Variants in TTC23L observed in about 807,000 individuals in gnomAD.
TTC23L encodes the protein tetratricopeptide repeat domain 23 like.
In TTC23L, 42 loss-of-function variants were observed where a neutral mutation model predicts 48.1. That is an observed-to-expected ratio of 0.87 (90% confidence interval 0.68 to 1.13). TTC23L has a LOEUF of 1.13. Among genes scored for constraint, TTC23L ranks in the 50% most tolerant of loss-of-function variants. The probability of loss-of-function intolerance (pLI) is 0.00; values close to 1 mark genes in which losing one functional copy is unlikely to be tolerated. For missense variants in TTC23L, 391 were observed against 421.0 expected (o/e 0.93, Z 0.62); for synonymous variants, 159 against 157.2 (o/e 1.01, Z -0.09).
intron 8 of TTC23L, among the ~76,000 whole-genome samples, chr5:34,876,931 T>C (rs1761880318): frequency 6.6e-6 from 1 of 151,844 alleles, no homozygotes; most frequent in Admixed American, 6.6e-5. Flanking sequence ...GGCATGTGTA[T>C]ACCTAGTAAC....
chr5:34,918,521 C>T, the TTC23L span: 20 of 1,093,172 alleles, frequency 1.8e-5, no homozygotes, highest in Admixed American at 3.0e-4. Flanking sequence ...TATAAACTTA[C>T]CTATTTTTAT....
chr5:34,925,117 T>C, the TTC23L span: 9 of 1,442,168 alleles, frequency 6.2e-6, no homozygotes, highest in Non-Finnish European at 8.3e-6. Context: ...ACTCCCTTTT[T>C]TCATGACACT....
chr5:34,906,826 T>TA, the TTC23L span: 2 of 152,102 alleles, frequency 1.3e-5, no homozygotes, highest in African/African-American at 4.8e-5. Flanking sequence ...AGACAAAAAA[T>TA]AACTATGCTA....
chr5:34,914,247 AAT>A, the TTC23L span, among the ~76,000 whole-genome samples: 1 of 152,358 alleles, frequency 6.6e-6, no homozygotes, highest in South Asian at 2.1e-4. Flanking sequence ...TCTGGAAACA[AAT>A]ATTCAGCGTT....
At chr5:34,844,377 T>A (rs1758937975) in intron 2 of TTC23L, among the ~76,000 whole-genome samples, 1 of 142,284 alleles carries the variant, frequency 7.0e-6, no homozygotes, top group African/African-American at 2.7e-5. Flanking sequence ...TCAAACCTGG[T>A]GTAAAAGATT....
intron 9 of TTC23L, among the ~76,000 whole-genome samples, chr5:34,886,925 G>C (rs1762579720): frequency 6.6e-6 from 1 of 152,160 alleles, no homozygotes; most frequent in Admixed American, 6.5e-5. Context: ...CTTCCAGAGA[G>C]CTCATTCCCT....
rs777877851 is a variant in TTC23L at position 34,850,184 on chromosome 5, G to C, written c.256-1G>C. 6.2e-7 allele frequency: 1 copy of C among 1,613,770 alleles called. No homozygotes were observed. The highest frequency in any genetic ancestry group is 8.5e-7 in the Non-Finnish European group (1 of 1,179,738). ...AGTATAATCACTTCTGTACTCTACA[G>C]AATACTCAAGCAAACAAGGAGCTGA... On this transcript the variant is annotated splice_acceptor_variant, in intron 3 of 10. Coordinates refer to ENST00000505624, the Ensembl canonical transcript of TTC23L. LOFTEE classifies it high-confidence loss of function.
downstream of TTC23L, among the ~76,000 whole-genome samples, chr5:34,900,669 G>C (rs1763486043): frequency 6.6e-6 from 1 of 152,188 alleles, no homozygotes; most frequent in Non-Finnish European, 1.5e-5. Context: ...GCTTTTTCTT[G>C]TAATGTCATG....
chr5:34,914,048 G>A, the TTC23L span: 2 of 455,940 alleles, frequency 4.4e-6, no homozygotes, highest in South Asian at 3.1e-5. Context: ...CAAGAACCGT[G>A]TCTTATTTAC....
the TTC23L span, chr5:34,908,414 A>G: frequency 1.3e-5 from 2 of 158,824 alleles, no homozygotes; most frequent in East Asian, 3.6e-4. Context: ...ACCTCAGGTG[A>G]TCCGCCCACC....
At chr5:34,915,616 G>A in the TTC23L span, 1 of 1,244,014 alleles carries the variant, frequency 8.0e-7, no homozygotes, top group Non-Finnish European at 1.1e-6. Flanking sequence ...CCGGAAGGAG[G>A]CGGCACAGAC....
At chr5:34,904,584 C>A in the TTC23L span, among the ~76,000 whole-genome samples, 2 of 149,320 alleles carry the variant, frequency 1.3e-5, no homozygotes, top group African/African-American at 4.9e-5. Flanking sequence ...CAGAGTGGGA[C>A]TCCATCTCAA....
At chr5:34,860,058 A>G (rs1053471664) in intron 4 of TTC23L, among the ~76,000 whole-genome samples, 4 of 151,850 alleles carry the variant, frequency 2.6e-5, no homozygotes, top group African/African-American at 9.7e-5. Context: ...TGTGTTAGCC[A>G]GGATGGTCTT....
chr5:34,848,685 G>A (rs1265368198), intron 3 of TTC23L, among the ~76,000 whole-genome samples: 1 of 152,040 alleles, frequency 6.6e-6, no homozygotes, highest in Non-Finnish European at 1.5e-5. Context: ...CCAAGCAGTG[G>A]GAGCAGCACG....
intron 2 of TTC23L, among the ~76,000 whole-genome samples, chr5:34,844,510 T>G (rs1317492069): frequency 1.3e-5 from 2 of 152,158 alleles, no homozygotes; most frequent in African/African-American, 4.8e-5. Flanking sequence ...GATTTTTTTT[T>G]TATTTAAACA....
chr5:34,900,204 C>T (rs1425060034), downstream of TTC23L, among the ~76,000 whole-genome samples: 1 of 152,216 alleles, frequency 6.6e-6, no homozygotes, highest in Non-Finnish European at 1.5e-5. Flanking sequence ...CAAAACTTAA[C>T]TGCTAATAGC....
intron 9 of TTC23L, chr5:34,880,681 C>T (rs1023379113): frequency 3.6e-5 from 15 of 415,236 alleles, no homozygotes; most frequent in Non-Finnish European, 4.7e-5. Context: ...CTCTGTCACC[C>T]AGGCTGTAGT....
At chr5:34,897,265 G>C (rs1763285826) in intron 10 of TTC23L, among the ~76,000 whole-genome samples, 1 of 151,950 alleles carries the variant, frequency 6.6e-6, no homozygotes, top group African/African-American at 2.4e-5. Context: ...TGCGCCTGTA[G>C]TCCCAGTTAC....
At chr5:34,882,639 A>ACACACACACACACACACT (rs1554021948) in intron 9 of TTC23L, among the ~76,000 whole-genome samples, 148 of 151,936 alleles carry the variant, frequency 9.7e-4, no homozygotes, top group African/African-American at 3.4e-3. Flanking sequence ...ACACACACAC[A>ACACACACACACACACACT]CACACACACA....
Sources: allele counts gnomAD v4.1 joint callset (sites outside exome capture counted in the v4.1 genomes callset), GRCh38; gene constraint gnomAD v4.1.1; transcripts MANE v1.5; gene names NCBI Gene and HGNC (gene_info 2026-07-23, HGNC 2026-07-21).